The following IQUB variants were observed in gnomAD, a reference collection of about 807,000 sequenced individuals.
IQUB encodes IQ motif and ubiquitin-like domain-containing protein.
Under a neutral mutation model 86.4 loss-of-function variants are expected in IQUB, and 86 were observed. The ratio of observed to expected loss-of-function variants is 1.00; its 90% CI spans 0.84 to 1.19. IQUB has a LOEUF of 1.19. Among genes scored for constraint, IQUB ranks in the 50% most tolerant of loss-of-function variants. IQUB has a pLI of 0.00. For synonymous variants in IQUB, 289 were observed against 304.5 expected, an observed-to-expected ratio of 0.95 and a Z score of 0.53; for missense variants, 946 against 916.9, an observed-to-expected ratio of 1.03 and a Z score of -0.41.
chr7:123,458,173 G>T (rs951048449), intron 11 of IQUB: 3 of 151,734 alleles, frequency 2.0e-5, no homozygotes, highest in Admixed American at 1.3e-4. Flanking sequence ...CAAAAAGAGG[G>T]GTAATGAAAT....
rs755427460 is a variant in IQUB at position 123,464,943 on chromosome 7, T to C, written c.1648A>G (p.Arg550Gly). 5.0e-6 allele frequency: 8 copies of C among 1,601,058 alleles called. No individual in the cohort carries two copies. The South Asian group carries it at 7.8e-5, about 16-fold the overall frequency. Residue 550 changes from arginine (R) to glycine (G), a missense_variant, in exon 10 of 13, where the codon AGA (arginine) becomes GGA (glycine). Arg to Gly is a moderately radical substitution (Grantham distance 125). Transcript: ENST00000324698. ...LIDREVDLMM[R>G]GVKHHNLEGL... The stretch of plus-strand genomic sequence containing the variant: ...TCAAGGTTATGATGTTTGACTCCTC[T>C]CATCATAAGGTCAACCTCTCTGTCA...
At chr7:123,527,978 G>A (rs1166580509) in intron 1 of IQUB, among the ~76,000 whole-genome samples, 1 of 152,214 alleles carries the variant, frequency 6.6e-6, no homozygotes, top group Non-Finnish European at 1.5e-5. Flanking sequence ...CTCCGTGGGC[G>A]TAGGACCCTC....
At position 123,452,446 on chromosome 7, in the gene IQUB, C is replaced by CTAAT. The variant is rs1554579199; in HGVS notation, c.*293_*296dup. On this transcript the variant is annotated 3_prime_UTR_variant, in exon 13 of 13. Coordinates refer to ENST00000324698, the MANE Select transcript of IQUB (RefSeq NM_178827.5). ...TTTGGCTGTTTGTTAGATTTTAACT[C>CTAAT]TAATATACTTGAAAAAATTTAAAAA... The CTAAT allele has an allele frequency of 5.3e-6, 1 of 190,180 alleles. No individual in the cohort carries two copies. Among genetic ancestry groups the CTAAT allele is most frequent in the Non-Finnish European group, 1.1e-5 (1 of 93,656 alleles). The allele number at this position is 190,180 out of a possible 1,614,324, so 11.8% of individuals were successfully genotyped here. A position where few individuals can be genotyped will look rare whatever the true frequency, so the allele number is the denominator to read the frequency against.
At chr7:123,530,953 G>C (rs924475490) in intron 1 of IQUB, among the ~76,000 whole-genome samples, 11 of 152,020 alleles carry the variant, frequency 7.2e-5, no homozygotes, top group African/African-American at 2.7e-4. Context: ...CTGGGATTAG[G>C]CTGCTCTTTG....
At chr7:123,482,144 T>C (rs1439688050) in intron 7 of IQUB, among the ~76,000 whole-genome samples, 1 of 152,060 alleles carries the variant, frequency 6.6e-6, no homozygotes, top group African/African-American at 2.4e-5. Context: ...CTGACTGTCA[T>C]GAATGTTTAT....
chr7:123,472,001 G>A (rs1263354066), intron 8 of IQUB, among the ~76,000 whole-genome samples: 1 of 152,056 alleles, frequency 6.6e-6, no homozygotes, highest in African/African-American at 2.4e-5. Context: ...ACTTTGGGAG[G>A]CCAAGGCGGG....
Position 123,502,591 on chromosome 7 carries a change from T to C in IQUB, c.1023+6A>G, listed in dbSNP as rs187535305. 475 of 1,607,896 alleles carry C rather than the reference T, an allele frequency of 3.0e-4. 2 individuals are homozygous for C. In the African/African-American group the frequency reaches 4.8e-3, roughly 16 times the overall value. On this transcript the variant is annotated splice_donor_region_variant and intron_variant, in intron 6 of 12. Transcript: ENST00000324698. ...TAGTATTCATCCACAATAAAAGTTATCTCACCGCCTTTAGTCTTTGAGCAT... is the reference window on the plus strand; with the variant it reads ...TAGTATTCATCCACAATAAAAGTTACCTCACCGCCTTTAGTCTTTGAGCAT...
chr7:123,466,684 G>A (rs991975628), intron 9 of IQUB, among the ~76,000 whole-genome samples: 1 of 152,090 alleles, frequency 6.6e-6, no homozygotes, highest in African/African-American at 2.4e-5. Flanking sequence ...TTACAGTTAG[G>A]AGTAAAGAAA....
chr7:123,523,089 A>C (rs1402972116), intron 1 of IQUB, among the ~76,000 whole-genome samples: 2 of 150,860 alleles, frequency 1.3e-5, no homozygotes, highest in Admixed American at 1.3e-4. Flanking sequence ...ACATTTTCTT[A>C]ATCCAGTCTA....
chr7:123,534,163 T>C (rs1797657493), intron 1 of IQUB, among the ~76,000 whole-genome samples: 1 of 152,160 alleles, frequency 6.6e-6, no homozygotes. Flanking sequence ...GAGTCTCTAG[T>C]GCCAGGTGTG....
Position 123,512,090 on chromosome 7 carries a change from G to GAT in IQUB, c.249_250dup (p.Ser84TyrfsTer33), listed in dbSNP as rs766510876. 1.9e-6 allele frequency: 3 copies of GAT among 1,614,034 alleles called. 1 individual carries two copies. In the South Asian group the frequency reaches 3.3e-5, roughly 18 times the overall value. On this transcript the variant is annotated frameshift_variant, in exon 2 of 13. Coordinates refer to ENST00000324698, the MANE Select transcript of IQUB (RefSeq NM_178827.5). LOFTEE classifies it high-confidence loss of function. ...CGGAGTATATGAAACTTGTCTTGGT[G>GAT]ATATAACCTCTTCCATGAGTTGTTC...
intron 8 of IQUB, among the ~76,000 whole-genome samples, chr7:123,476,926 T>G (rs1001929059): frequency 5.3e-5 from 8 of 151,810 alleles, no homozygotes; most frequent in Non-Finnish European, 1.0e-4. Context: ...CACTGCTCAA[T>G]GAAATAAAAG....
intron 6 of IQUB, among the ~76,000 whole-genome samples, chr7:123,498,657 T>C (rs1795810142): frequency 1.3e-5 from 2 of 152,194 alleles, no homozygotes; most frequent in African/African-American, 4.8e-5. Flanking sequence ...CTCTGTCATA[T>C]TTAACAAATG....
intron 2 of IQUB, among the ~76,000 whole-genome samples, chr7:123,511,642 T>C (rs1475651095): frequency 6.6e-6 from 1 of 152,188 alleles, no homozygotes; most frequent in Non-Finnish European, 1.5e-5. Context: ...CAATAATTTC[T>C]CCATCATTTT....
chr7:123,510,106 C>T (rs939198081), intron 2 of IQUB, 71 bp from the exon 3 acceptor site: 3 of 951,140 alleles, frequency 3.2e-6, no homozygotes, highest in African/African-American at 3.3e-5. Context: ...AGTCCACAAA[C>T]AGATACAGAA....
intron 10 of IQUB, among the ~76,000 whole-genome samples, chr7:123,463,058 G>GTAGTT (rs1479730385): frequency 6.6e-6 from 1 of 151,606 alleles, no homozygotes; most frequent in Non-Finnish European, 1.5e-5. Flanking sequence ...AATCCAGCCA[G>GTAGTT]TAGTTTGAGA....
At chr7:123,457,069 A>G in intron 12 of IQUB, 1 of 537,630 alleles carries the variant, frequency 1.9e-6, no homozygotes, top group Non-Finnish European at 2.4e-6. Flanking sequence ...TAGGTATTAG[A>G]GAAATAGATG....
chr7:123,463,779 T>A (rs1794114185), intron 10 of IQUB, among the ~76,000 whole-genome samples: 1 of 151,718 alleles, frequency 6.6e-6, no homozygotes. Flanking sequence ...AGACAAATTT[T>A]AAAAATAAAT....
At chr7:123,510,092 C>A (rs981127369) in intron 2 of IQUB, 57 bp from the exon 3 acceptor site, 2 of 1,101,734 alleles carry the variant, frequency 1.8e-6, no homozygotes, top group East Asian at 2.4e-5. Context: ...GGTCAGCAAA[C>A]TACAGTCCAC....
Sources: gnomAD v4.1 joint callset for allele counts (sites outside exome capture counted in the v4.1 genomes callset) on GRCh38, gnomAD v4.1.1 for gene constraint, MANE v1.5 for transcripts, NCBI Gene and HGNC (gene_info 2026-07-23, HGNC 2026-07-21) for gene names.